AAAS: variants seen among roughly 807,000 people sequenced by gnomAD.
AAAS encodes the protein aladin WD repeat nucleoporin, also known as aladin.
In AAAS, 60 loss-of-function variants were observed where a neutral mutation model predicts 75.6. The ratio of observed to expected loss-of-function variants is 0.79; its 90% confidence interval spans 0.64 to 0.98. The LOEUF is 0.98. Among genes scored for constraint, AAAS ranks in the 50% least tolerant of loss-of-function variants. The pLI, the probability that AAAS is intolerant of heterozygous loss-of-function variation, is 0.00. For missense variants in AAAS, 658 were observed against 686.9 expected (o/e 0.96, Z 0.47); for synonymous variants, 271 against 265.0 (o/e 1.02, Z -0.22).
intron 11 of AAAS, 55 bp from the exon 12 acceptor site, chr12:53,308,583 C>A: frequency 1.2e-6 from 2 of 1,608,404 alleles, no homozygotes; most frequent in East Asian, 2.2e-5. Context: ...TCTCACTGGT[C>A]CCCTGCCAGC....
rs1944536182 is a variant in AAAS, at chr12:53,320,519, C to T, written c.251+46G>A. ...GGTAAAGGGGTGTTGACTCATTTTC[C>T]AGGATCTGCAGACTGTGACCCAGGA... On this transcript the variant is annotated intron_variant, in intron 2 of 15. Transcript: ENST00000209873. The T allele has an allele frequency of 5.0e-6, 8 of 1,612,282 alleles. No individual in the cohort carries two copies. The East Asian group carries it at 1.8e-4, about 36-fold the overall frequency.
chr12:53,314,223 AG>A, intron 7 of AAAS, 74 bp downstream of exon 7: 7 of 1,597,622 alleles, frequency 4.4e-6, no homozygotes, highest in Non-Finnish European at 6.0e-6. Flanking sequence ...TTCTCCTTTC[AG>A]ACGTCCTCAC....
chr12:53,315,068 C>T (rs1944441680), intron 5 of AAAS, 26 bp downstream of exon 5: 1 of 1,613,782 alleles, frequency 6.2e-7, no homozygotes, highest in Non-Finnish European at 8.5e-7. Flanking sequence ...TTCCTTTCCA[C>T]AAAGCTCCAG....
At chr12:53,320,956 A>C (rs1352324444) in intron 1 of AAAS, 1 of 547,574 alleles carries the variant, frequency 1.8e-6, no homozygotes, top group Non-Finnish European at 3.3e-6. Context: ...TCTTTCTTAC[A>C]TAGCAAACGC....
chr12:53,314,516 G>C, intron 6 of AAAS, 75 bp from the exon 7 acceptor site: 1 of 1,594,838 alleles, frequency 6.3e-7, no homozygotes, highest in South Asian at 1.1e-5. Context: ...AGTTAAGGAG[G>C]GAAAGCCACA....
intron 2 of AAAS, among the ~76,000 whole-genome samples, chr12:53,318,279 C>CACTCT (rs1944498399): frequency 3.0e-5 from 3 of 101,226 alleles, no homozygotes; most frequent in Non-Finnish European, 4.3e-5. Flanking sequence ...TGTGTTAAGA[C>CACTCT]GGAGTCTCAC....
chr12:53,309,567 C>T lies in AAAS; in HGVS notation c.810+34G>A, dbSNP rs370534857. 2.1e-4 allele frequency: 333 copies of T among 1,613,308 alleles called. 1 individual carries two copies. In the South Asian group the frequency reaches 2.8e-3, roughly 13 times the overall value. The stretch of plus-strand genomic sequence containing the variant: ...CGAGTGAGGAACACTTTTGCCAGGA[C>T]TGAAATGTGCATGAGGGGCAGGGAC... On this transcript the variant is annotated intron_variant, in intron 8 of 15. Coordinates refer to ENST00000209873, the MANE Select transcript of AAAS (RefSeq NM_015665.6).
intron 1 of AAAS, chr12:53,320,898 T>C: frequency 1.6e-6 from 1 of 630,048 alleles, no homozygotes; most frequent in East Asian, 2.9e-5. Context: ...ATAGGGTTGC[T>C]GTGATTATGA....
intron 11 of AAAS, 67 bp from the exon 12 acceptor site, chr12:53,308,595 C>T: frequency 6.2e-7 from 1 of 1,602,154 alleles, no homozygotes. Flanking sequence ...CCTGCCAGCT[C>T]ACCAAAGGCA....
chr12:53,308,930 C>T lies in AAAS; in HGVS notation c.996+30G>A, dbSNP rs1314728172. On this transcript the variant is annotated intron_variant, in intron 10 of 15. Transcript: ENST00000209873. ...GGGCCCATTGGAATCATCTCCTCCCCAGTGTCTGTGAATCAGAGTCCCCTC... is the reference window on the plus strand; with the variant it reads ...GGGCCCATTGGAATCATCTCCTCCCTAGTGTCTGTGAATCAGAGTCCCCTC... 5.0e-6 allele frequency: 8 copies of T among 1,614,024 alleles called. No homozygotes were observed. In the Admixed American group the frequency reaches 8.3e-5, roughly 17 times the overall value.
chr12:53,310,403 C>T (rs961710486), intron 7 of AAAS, among the ~76,000 whole-genome samples: 2 of 151,996 alleles, frequency 1.3e-5, no homozygotes, highest in Non-Finnish European at 2.9e-5. Context: ...ACTAAAAGTA[C>T]AAAAAAATTA....
rs144618684 is a variant in AAAS at position 53,315,655 on chromosome 12, C to A, written c.307+72G>T. On this transcript the variant is annotated intron_variant, in intron 3 of 15. Transcript: ENST00000209873. ...TAAAAGAGGCTGAGCCAACAGGTGT[C>A]GGGGGTGAGTTCAAGAATATGGAGA... The A allele has an allele frequency of 5.2e-4, 802 of 1,552,796 alleles. 7 individuals are homozygous for A. Among genetic ancestry groups the A allele is most frequent in the Non-Finnish European group, 1.0e-4 (116 of 1,131,832 alleles).
chr12:53,319,940 G>C (rs965493936), intron 2 of AAAS, among the ~76,000 whole-genome samples: 1 of 151,140 alleles, frequency 6.6e-6, no homozygotes, highest in Middle Eastern at 3.2e-3. Context: ...GACCAACATG[G>C]AGAAACCCTG....
chr12:53,307,618 G>A lies in AAAS; in HGVS notation c.1512C>T (p.Pro504=). ...GAATAGAGCCTCCACCCCCAGCAGG[G>A]GGTTCCTGGGCCCGCCCAAGCACTG... ...FSPVLGRAQE[P]PAGGGGSIHD... Residue 504 remains proline, a synonymous_variant, in exon 16 of 16, where the codon CCC becomes CCT. Transcript: ENST00000209873. 6.2e-7 allele frequency: 1 copy of A among 1,614,212 alleles called. No homozygotes were observed. The highest frequency in any genetic ancestry group is 1.3e-5 in the African/African-American group (1 of 75,058).
At position 53,309,718 on chromosome 12, in the gene AAAS, G is replaced by C; in HGVS notation, c.693C>G (p.Pro231=). ...ACAGCACTTGGGCACAGCCAGAAGAGGGTCTGGAGGGGAACACAGAGGATG... is the reference window on the plus strand; with the variant it reads ...ACAGCACTTGGGCACAGCCAGAAGACGGTCTGGAGGGGAACACAGAGGATG... ...TLDPTSLSTR[P]SSGCAQVLSH... is the part of the protein sequence containing the mutation. The change falls in exon 8 of 16, where the codon CCC becomes CCG. Residue 231 remains proline (P), a synonymous_variant. Transcript: ENST00000209873. 1 of 1,613,034 alleles carries C rather than the reference G, an allele frequency of 6.2e-7. No homozygotes were observed. Among genetic ancestry groups the C allele is most frequent in the Non-Finnish European group, 8.5e-7 (1 of 1,179,704 alleles).
Position 53,314,369 on chromosome 12 carries a change from G to C in AAAS, c.618C>G (p.Ala206=), listed in dbSNP as rs939634100. 6.2e-7 allele frequency: 1 copy of C among 1,614,222 alleles called. No individual in the cohort carries two copies. Among genetic ancestry groups the C allele is most frequent in the Non-Finnish European group, 8.5e-7 (1 of 1,180,036 alleles). Residue 206 remains alanine (A), a synonymous_variant, in exon 7 of 16, where the codon GCC becomes GCG. Transcript: ENST00000209873. The part of the protein sequence containing the change: ...VASLAWKPLS[A]SVLAVACQSC... ...TCTGGCAGGCCACAGCCAAGACAGA[G>C]GCACTAAGGGGCTTCCAGGCCAGAG... is the stretch of plus-strand genomic sequence containing the variant.
At chr12:53,312,633 T>C (rs1565779889) in intron 7 of AAAS, among the ~76,000 whole-genome samples, 1 of 151,782 alleles carries the variant, frequency 6.6e-6, no homozygotes, top group Non-Finnish European at 1.5e-5. Context: ...AAGTCCACAA[T>C]ATTCTTTTAT....
rs1489819129 is a variant in AAAS at position 53,308,480 on chromosome 12, G to A, written c.1136C>T (p.Ala379Val). 6.2e-7 allele frequency: 1 copy of A among 1,614,036 alleles called. No homozygotes were observed. The highest frequency in any genetic ancestry group is 1.3e-5 in the African/African-American group (1 of 74,894). Residue 379 changes from alanine (A) to valine (V), a missense_variant, in exon 12 of 16, where the codon GCA becomes GTA. Coordinates refer to ENST00000209873, the MANE Select transcript of AAAS (RefSeq NM_015665.6). Reference sequence around the variant, plus strand: ...CTGTATTGTTGTCTCAGACAGATCTGCCACAATCGTTGCTGACTTTGCACC... The same window carrying A: ...CTGTATTGTTGTCTCAGACAGATCTACCACAATCGTTGCTGACTTTGCACC... The part of the protein sequence containing the change: ...VGGAKSATIV[A>V]DLSETTIQTP...
At chr12:53,309,457 G>A (rs1347319560) in intron 8 of AAAS, 144 bp downstream of exon 8, 10 of 1,530,204 alleles carry the variant, frequency 6.5e-6, no homozygotes, top group Non-Finnish European at 8.9e-6. Flanking sequence ...AACCTCACGA[G>A]TCTGATGGCA....
Sources: gnomAD v4.1 joint callset for allele counts (sites outside exome capture counted in the v4.1 genomes callset) on GRCh38, gnomAD v4.1.1 for gene constraint, MANE v1.5 for transcripts, NCBI Gene and HGNC (gene_info 2026-07-23, HGNC 2026-07-21) for gene names.